The following CADM2 variants were observed in gnomAD, a reference collection of about 807,000 sequenced individuals.
CADM2 encodes the protein immunoglobulin superfamily member 4D.
A neutral mutation model predicts 49.8 loss-of-function variants in CADM2; 12 were observed. That is an observed-to-expected ratio of 0.24 (90% CI 0.15 to 0.39). The LOEUF (loss-of-function observed/expected upper bound fraction) is 0.39, where lower values mean the gene tolerates loss of function less well. Ranked by LOEUF, CADM2 falls within the 10% of genes least tolerant of loss-of-function variation. CADM2 has a pLI of 1.00. For missense variants in CADM2, 378 were observed against 492.3 expected, an observed-to-expected ratio of 0.77 and a Z score of 2.20; for synonymous variants, 214 against 175.4, an observed-to-expected ratio of 1.22 and a Z score of -1.74.
chr3:85,106,403 T>C (rs187735548), intron 1 of CADM2, among the ~76,000 whole-genome samples: 1 of 152,260 alleles, frequency 6.6e-6, no homozygotes. Context: ...CTTCCATTTG[T>C]AGCATCCACC....
intron 1 of CADM2, among the ~76,000 whole-genome samples, chr3:85,714,294 C>T (rs1210023160): frequency 6.6e-6 from 1 of 152,116 alleles, no homozygotes; most frequent in East Asian, 1.9e-4. Flanking sequence ...CTTGCTTGAA[C>T]ACAATAGGCC....
intron 5 of CADM2, among the ~76,000 whole-genome samples, chr3:85,902,430 A>G (rs1716250107): frequency 6.6e-6 from 1 of 151,872 alleles, no homozygotes; most frequent in Non-Finnish European, 1.5e-5. Flanking sequence ...TGTCTCCTGT[A>G]GAAAGCATAT....
intron 2 of CADM2, among the ~76,000 whole-genome samples, chr3:85,769,671 CACATATAT>C (rs1018155939): frequency 7.3e-6 from 1 of 137,520 alleles, no homozygotes; most frequent in Non-Finnish European, 1.6e-5. Flanking sequence ...TATATATATA[CACATATAT>C]ACATATATAT....
In CADM2 at chr3:85,729,475, T is replaced by C. The variant is rs138415293; in HGVS notation, c.88+2927T>C. 4.5e-4 allele frequency among the ~76,000 whole-genome samples: 56 copies of C among 125,338 alleles called. No homozygotes were observed. In the Middle Eastern group the frequency reaches 0.016, roughly 35 times the overall value. 82.2% of individuals were successfully genotyped at this position (125,338 alleles called of 152,430 possible). A position where few individuals can be genotyped will look rare whatever the true frequency, so the allele number is the denominator to read the frequency against. ...GTCGAGTTGCTTCTCAGAAAACTTA[T>C]AACTGGGAAAGGGCTAGAGAGAGAG... On this transcript the variant is annotated intron_variant, in intron 2 of 9. Transcript: ENST00000383699.
chr3:85,246,521 C>T (rs1182030707), intron 1 of CADM2, among the ~76,000 whole-genome samples: 1 of 151,816 alleles, frequency 6.6e-6, no homozygotes, highest in Non-Finnish European at 1.5e-5. Context: ...ATTATTAATA[C>T]CAAATGGCAC....
intron 1 of CADM2, among the ~76,000 whole-genome samples, chr3:85,287,687 A>G (rs2043669208): frequency 6.6e-6 from 1 of 152,150 alleles, no homozygotes; most frequent in African/African-American, 2.4e-5. Context: ...ATTGAGAACA[A>G]AATATTTCAC....
At chr3:85,639,035 C>T (rs1030754828) in intron 1 of CADM2, among the ~76,000 whole-genome samples, 6 of 152,066 alleles carry the variant, frequency 3.9e-5, no homozygotes, top group Admixed American at 6.5e-5. Flanking sequence ...AGAGTAAATA[C>T]GAACCAAAAA....
intron 1 of CADM2, among the ~76,000 whole-genome samples, chr3:85,322,816 T>G (rs2044651302): frequency 6.6e-6 from 1 of 152,126 alleles, no homozygotes; most frequent in African/African-American, 2.4e-5. Context: ...AGAACAATCA[T>G]TCAGAGAGCA....
At chr3:85,987,951 G>T (rs985180023) in intron 8 of CADM2, among the ~76,000 whole-genome samples, 2 of 151,968 alleles carry the variant, frequency 1.3e-5, no homozygotes, top group Non-Finnish European at 2.9e-5. Flanking sequence ...AAGATTGCAG[G>T]CACTGCCCTT....
chr3:85,001,471 T>G (rs1207045900), intron 1 of CADM2, among the ~76,000 whole-genome samples: 1 of 152,074 alleles, frequency 6.6e-6, no homozygotes, highest in African/African-American at 2.4e-5. Flanking sequence ...TGCAATAACT[T>G]AAATACATGA....
chr3:85,211,823 GTTTC>G (rs1190677890), intron 1 of CADM2, among the ~76,000 whole-genome samples: 1 of 152,066 alleles, frequency 6.6e-6, no homozygotes, highest in African/African-American at 2.4e-5. Flanking sequence ...TAAGTCTGAT[GTTTC>G]TTTTTTTGAT....
At chr3:85,783,713 T>A (rs1174601257) in intron 2 of CADM2, among the ~76,000 whole-genome samples, 2 of 152,238 alleles carry the variant, frequency 1.3e-5, no homozygotes, top group Non-Finnish European at 2.9e-5. Context: ...TTGGTACTGA[T>A]GAAATTCAAA....
chr3:85,905,191 G>A (rs923336737), intron 5 of CADM2, among the ~76,000 whole-genome samples: 1 of 151,968 alleles, frequency 6.6e-6, no homozygotes, highest in African/African-American at 2.4e-5. Context: ...TAATCTAGTT[G>A]ATCTGCAGTG....
At chr3:85,690,168 A>G (rs2066339332) in intron 1 of CADM2, among the ~76,000 whole-genome samples, 1 of 152,188 alleles carries the variant, frequency 6.6e-6, no homozygotes, top group Non-Finnish European at 1.5e-5. Flanking sequence ...GAATCAGCAG[A>G]ATGACTCTAT....
intron 1 of CADM2, among the ~76,000 whole-genome samples, chr3:85,290,368 G>A (rs937827515): frequency 2.0e-5 from 3 of 152,142 alleles, no homozygotes; most frequent in African/African-American, 4.8e-5. Flanking sequence ...GGGGAGGGGC[G>A]CCCGCCATTG....
chr3:85,405,900 C>T (rs552495663), intron 1 of CADM2, among the ~76,000 whole-genome samples: 7 of 149,600 alleles, frequency 4.7e-5, no homozygotes, highest in South Asian at 4.2e-4. Context: ...TGTGTGACAG[C>T]GTGAGACCCT....
At chr3:85,317,367 T>C (rs9829536) in intron 1 of CADM2, among the ~76,000 whole-genome samples, 7,113 of 152,194 alleles carry the variant, frequency 0.047, 265 homozygotes, top group Non-Finnish European at 0.059. Context: ...GTGAAACTCT[T>C]ATGGGAGAAA....
chr3:85,725,511 C>G (rs924657999), intron 1 of CADM2, among the ~76,000 whole-genome samples: 2 of 151,914 alleles, frequency 1.3e-5, no homozygotes, highest in African/African-American at 4.8e-5. Context: ...CCCATTCCTG[C>G]TTTTGTCTAT....
chr3:85,270,950 A>G (rs2106843502), intron 1 of CADM2, among the ~76,000 whole-genome samples: 1 of 151,532 alleles, frequency 6.6e-6, no homozygotes, highest in South Asian at 2.1e-4. Context: ...GTCATGTGTG[A>G]TGCATGGATT....
Sources: allele counts gnomAD v4.1 joint callset (sites outside exome capture counted in the v4.1 genomes callset), GRCh38; gene constraint gnomAD v4.1.1; transcripts MANE v1.5; gene names NCBI Gene and HGNC (gene_info 2026-07-23, HGNC 2026-07-21).